Variants in STIP1 observed in about 807,000 individuals in gnomAD.
The protein encoded by STIP1 is stress-induced-phosphoprotein 1.
STIP1 carries 16 observed loss-of-function variants against 77.4 expected under a neutral mutation model. The observed-to-expected ratio is 0.21, with a 90% confidence interval of 0.14 to 0.31. STIP1 has a LOEUF of 0.31. Ranked by LOEUF, STIP1 falls within the 10% of genes least tolerant of loss-of-function variation. STIP1 has a pLI of 1.00. For missense variants in STIP1, 524 were observed against 684.8 expected (o/e 0.77, Z 2.62); for synonymous variants, 258 against 246.6 (o/e 1.05, Z -0.44).
chr11:64,200,136 T>A, intron 9 of STIP1, 33 bp from the exon 10 acceptor site: 1 of 1,610,044 alleles, frequency 6.2e-7, no homozygotes, highest in Non-Finnish European at 8.5e-7. Flanking sequence ...GCTTTTTGCT[T>A]TTTAAAAGAC....
At chr11:64,202,057 C>T (rs1435206804) in intron 10 of STIP1, among the ~76,000 whole-genome samples, 1 of 152,206 alleles carries the variant, frequency 6.6e-6, no homozygotes, top group African/African-American at 2.4e-5. Flanking sequence ...AATGAGACAT[C>T]CAAGTCTTGT....
At chr11:64,197,028 C>T in intron 5 of STIP1, 1 of 507,176 alleles carries the variant, frequency 2.0e-6, no homozygotes, top group South Asian at 2.4e-5. Context: ...GCTCTGCTTC[C>T]TGACAAAGAT....
At chr11:64,195,605 G>A in intron 4 of STIP1, 40 bp from the exon 5 acceptor site, 1 of 1,518,172 alleles carries the variant, frequency 6.6e-7, no homozygotes, top group Non-Finnish European at 8.8e-7. Context: ...GTGGGGAGGA[G>A]TAATTACAAT....
At position 64,194,211 on chromosome 11, in the gene STIP1, C is replaced by G; in HGVS notation, c.242C>G (p.Ala81Gly). 1 of 1,614,092 alleles carries G rather than the reference C, an allele frequency of 6.2e-7. No homozygotes were observed. The highest frequency in any genetic ancestry group is 1.1e-5 in the South Asian group (1 of 91,064). Residue 81 changes from alanine to glycine, a missense_variant, in exon 3 of 14, where the codon GCT (alanine) becomes GGT (glycine). Ala to Gly is a moderately conservative substitution (Grantham distance 60). Transcript: ENST00000305218. Reference sequence around the variant, plus strand: ...AAGGGCTATTCACGAAAAGCAGCAGCTCTAGAGTTCTTAAACCGCTTTGAA... The same window carrying G: ...AAGGGCTATTCACGAAAAGCAGCAGGTCTAGAGTTCTTAAACCGCTTTGAA... Reference protein sequence around the residue: ...WGKGYSRKAAALEFLNRFEEA... With the variant: ...WGKGYSRKAAGLEFLNRFEEA...
rs141894379 is a variant in STIP1, at chr11:64,203,605, C to G, written c.1542C>G (p.Asp514Glu). The stretch of plus-strand genomic sequence containing the variant: ...TTATCCTGGAACAGATGCAGAAGGA[C>G]CCCCAGGCACTCAGCGAGTACGTAG... ...MRLILEQMQK[D>E]PQALSEHLKN... is the part of the protein sequence containing the mutation. Residue 514 changes from aspartate (D) to glutamate (E), a missense_variant, in exon 13 of 14, where the codon GAC becomes GAG. Asp to Glu is a conservative substitution (Grantham distance 45). Coordinates refer to ENST00000305218, the MANE Select transcript of STIP1 (RefSeq NM_006819.3). 1 of 1,614,164 alleles carries G rather than the reference C, an allele frequency of 6.2e-7. No homozygotes were observed. The highest frequency in any genetic ancestry group is 1.1e-5 in the South Asian group (1 of 91,088).
chr11:64,200,056 G>T lies in STIP1; in HGVS notation c.1120+20G>T, dbSNP rs543986290. 1 of 1,614,224 alleles carries T rather than the reference G, an allele frequency of 6.2e-7. No individual in the cohort carries two copies. The highest frequency in any genetic ancestry group is 1.3e-5 in the African/African-American group (1 of 75,056). On this transcript the variant is annotated intron_variant, in intron 9 of 13. Coordinates refer to ENST00000305218, the MANE Select transcript of STIP1 (RefSeq NM_006819.3). ...AGAAAGGTACTGCCTGCAGCTGGGG[G>T]ATTGGGGGAGCAGTGCTGGGTGTGC...
intron 10 of STIP1, 85 bp downstream of exon 10, chr11:64,200,378 T>C: frequency 1.3e-6 from 2 of 1,524,322 alleles, no homozygotes; most frequent in Non-Finnish European, 1.8e-6. Flanking sequence ...CAACATTGAG[T>C]TGATGATGAT....
chr11:64,191,982 G>A (rs746257222), intron 1 of STIP1, among the ~76,000 whole-genome samples: 17 of 151,838 alleles, frequency 1.1e-4, no homozygotes, highest in Non-Finnish European at 1.9e-4. Flanking sequence ...CTTCCCAGTC[G>A]GTGGGGCGGC....
At chr11:64,198,753 G>GTTTTTTT (rs371481270) in intron 8 of STIP1, among the ~76,000 whole-genome samples, 10 of 111,030 alleles carry the variant, frequency 9.0e-5, no homozygotes, top group East Asian at 2.6e-4. Flanking sequence ...TTTTTTTGTG[G>GTTTTTTT]TTTTTTTTTT....
chr11:64,194,158 T>G (rs1003305878), intron 2 of STIP1, 31 bp from the exon 3 acceptor site: 20 of 1,592,162 alleles, frequency 1.3e-5, no homozygotes, highest in Admixed American at 1.8e-5. Flanking sequence ...CTGGGTGTTC[T>G]CTATTTTGTG....
In STIP1 at chr11:64,188,308, C is replaced by T. The variant is rs376053134; in HGVS notation, c.9+2038C>T. On this transcript the variant is annotated intron_variant, in intron 1 of 13. Transcript: ENST00000305218. ...GCAGTGAGCTGTGATCACGCCACTGCACTCTAGCCTGGGTGACAGAGTGAG... is the reference window on the plus strand; with the variant it reads ...GCAGTGAGCTGTGATCACGCCACTGTACTCTAGCCTGGGTGACAGAGTGAG... 1.3e-4 allele frequency among the ~76,000 whole-genome samples: 19 copies of T among 149,110 alleles called. No homozygotes were observed. The East Asian group carries it at 2.4e-3, about 18-fold the overall frequency.
At chr11:64,186,001 C>G, upstream of STIP1, 1 of 1,543,204 alleles carries the variant, frequency 6.5e-7, no homozygotes, top group Non-Finnish European at 8.7e-7. Flanking sequence ...GCGCCCAATC[C>G]TGAGGTGCGG....
At chr11:64,192,678 T>A (rs1215631162) in intron 1 of STIP1, among the ~76,000 whole-genome samples, 1 of 152,210 alleles carries the variant, frequency 6.6e-6, no homozygotes. Context: ...CCGCCCACCT[T>A]CTTCCTGTGA....
chr11:64,192,262 C>T (rs940385262), intron 1 of STIP1, among the ~76,000 whole-genome samples: 4 of 152,060 alleles, frequency 2.6e-5, no homozygotes, highest in African/African-American at 7.2e-5. Flanking sequence ...TGCAGTGAGC[C>T]GAGATCGTGC....
chr11:64,204,184 G>A lies in STIP1; in HGVS notation c.*58G>A, dbSNP rs528227160. ...ATGTGGAAAGAGGAGCTGGGACCGC[G>A]GCGAGCAGCACGGAGCGGAAGGGAG... On this transcript the variant is annotated 3_prime_UTR_variant, in exon 14 of 14. Transcript: ENST00000305218. 9 of 1,583,422 alleles carry A rather than the reference G, an allele frequency of 5.7e-6. No individual in the cohort carries two copies. Among genetic ancestry groups the A allele is most frequent in the Middle Eastern group, 1.7e-4 (1 of 5,948 alleles).
At chr11:64,201,691 C>A (rs1186074021) in intron 10 of STIP1, among the ~76,000 whole-genome samples, 4 of 152,146 alleles carry the variant, frequency 2.6e-5, no homozygotes, top group Non-Finnish European at 4.4e-5. Context: ...ATCATTTCTA[C>A]TAGTAGGATT....
At chr11:64,198,217 A>G (rs1946172576) in intron 8 of STIP1, among the ~76,000 whole-genome samples, 1 of 151,710 alleles carries the variant, frequency 6.6e-6, no homozygotes, top group African/African-American at 2.4e-5. Flanking sequence ...CACCACGTCC[A>G]GCTAATTTTT....
At position 64,193,243 on chromosome 11, in the gene STIP1, G is replaced by A; in HGVS notation, c.175G>A (p.Glu59Lys). ...GAAAGGAGACTACCAGAAGGCTTAT[G>A]AGGATGGCTGCAAGACTGTCGACCT... ...AKKGDYQKAY[E>K]DGCKTVDLKP... The change falls in exon 2 of 14, where the codon GAG becomes AAG. Residue 59 changes from glutamate to lysine, a missense_variant. Physicochemically the swap from Glu to Lys is moderately conservative, Grantham distance 56. Transcript: ENST00000305218. 2 of 1,614,240 alleles carry A rather than the reference G, an allele frequency of 1.2e-6. No individual in the cohort carries two copies. Among genetic ancestry groups the A allele is most frequent in the South Asian group, 1.1e-5 (1 of 91,082 alleles).
At chr11:64,189,752 T>G (rs1946070369) in intron 1 of STIP1, among the ~76,000 whole-genome samples, 1 of 152,236 alleles carries the variant, frequency 6.6e-6, no homozygotes, top group Non-Finnish European at 1.5e-5. Context: ...ATTGATTTCC[T>G]GACCCACTGT....
Sources: gnomAD v4.1 joint callset for allele counts (sites outside exome capture counted in the v4.1 genomes callset) on GRCh38, gnomAD v4.1.1 for gene constraint, MANE v1.5 for transcripts, NCBI Gene and HGNC (gene_info 2026-07-23, HGNC 2026-07-21) for gene names.